Variants in PRKN observed in about 807,000 individuals in gnomAD.
The protein encoded by PRKN is E3 ubiquitin-protein ligase parkin.
In PRKN, 56 loss-of-function variants were observed where a neutral mutation model predicts 59.5. The observed-to-expected ratio is 0.94, with a 90% CI of 0.76 to 1.18. The LOEUF is 1.18. Ranked by LOEUF, PRKN falls within the 50% of genes most tolerant of loss-of-function variation. The probability of loss-of-function intolerance (pLI) is 0.00; values close to 1 mark genes in which losing one functional copy is unlikely to be tolerated. For synonymous variants in PRKN, 250 were observed against 222.1 expected, an observed-to-expected ratio of 1.13 and a Z score of -1.12; for missense variants, 657 against 596.4, an observed-to-expected ratio of 1.10 and a Z score of -1.06.
At chr6:161,665,446 G>T (rs1338982043) in intron 7 of PRKN, among the ~76,000 whole-genome samples, 1 of 152,114 alleles carries the variant, frequency 6.6e-6, no homozygotes, top group East Asian at 1.9e-4. Flanking sequence ...CTATTTCCAT[G>T]TGGATGACAG....
chr6:162,021,455 ATATATAT>A (rs1358586494), intron 5 of PRKN, among the ~76,000 whole-genome samples: 26 of 49,298 alleles, frequency 5.3e-4, no homozygotes, highest in African/African-American at 1.0e-3. Context: ...ATATATATAT[ATATATAT>A]TTTTTTTTTT....
chr6:162,569,157 C>T (rs1476037529), intron 1 of PRKN: 1 of 607,390 alleles, frequency 1.6e-6, no homozygotes, highest in South Asian at 1.6e-5. Context: ...GAGCATGTAC[C>T]AGATCAAGTA....
intron 1 of PRKN, among the ~76,000 whole-genome samples, chr6:162,646,336 A>T (rs911242703): frequency 6.6e-6 from 1 of 152,002 alleles, no homozygotes; most frequent in Non-Finnish European, 1.5e-5. Context: ...GCAGTGGTGT[A>T]ATCATAGCTC....
rs1779071834 is a variant in PRKN, at chr6:161,527,947, T to C, written c.1083+20907A>G. Among the ~76,000 whole-genome samples the C allele has an allele frequency of 6.6e-6, 1 of 152,208 alleles. No homozygotes were observed. Among genetic ancestry groups the C allele is most frequent in the Non-Finnish European group, 1.5e-5 (1 of 68,040 alleles). On this transcript the variant is annotated intron_variant, in intron 9 of 11. Coordinates refer to ENST00000366898, the MANE Select transcript of PRKN (RefSeq NM_004562.3). The surrounding 1 kb of genome is among the most constrained non-coding windows in gnomAD (Gnocchi z 4.6). The stretch of plus-strand genomic sequence containing the variant: ...TTTAACACAGCACTGCTTTTAAACA[T>C]TTCTTTCCCCCCACTTAGTCCCCAG...
At chr6:162,020,332 C>CAAAAAAAAAAAAAAAAA (rs771141235) in intron 5 of PRKN, among the ~76,000 whole-genome samples, 19 of 45,512 alleles carry the variant, frequency 4.2e-4, no homozygotes, top group Non-Finnish European at 5.1e-4. Flanking sequence ...ACCAATGAAT[C>CAAAAAAAAAAAAAAAAA]AAAAAAAAAA....
intron 5 of PRKN, among the ~76,000 whole-genome samples, chr6:162,003,963 T>C (rs539027563): frequency 6.6e-6 from 1 of 152,306 alleles, no homozygotes; most frequent in South Asian, 2.1e-4. Context: ...GTATTCTCAC[T>C]GCAGCAACTT....
intron 6 of PRKN, among the ~76,000 whole-genome samples, chr6:161,849,251 G>A (rs1323378396): frequency 6.6e-6 from 1 of 151,998 alleles, no homozygotes; most frequent in Non-Finnish European, 1.5e-5. Context: ...GGACCCCCAC[G>A]CCTGGTCCAG....
In PRKN at chr6:161,544,313, C is replaced by T. The variant is rs554055564; in HGVS notation, c.1083+4541G>A. ...TTATTTTGGTTTTCTGAATTATATA[C>T]TATGTGTGCTATTAAAACACTGTAT... On this transcript the variant is annotated intron_variant, in intron 9 of 11. Coordinates refer to ENST00000366898, the MANE Select transcript of PRKN (RefSeq NM_004562.3). This position sits in a 1 kb window ranked among gnomAD's most constrained non-coding sequence, Gnocchi z 5.5. Among the ~76,000 whole-genome samples the T allele has an allele frequency of 2.0e-5, 3 of 152,204 alleles. No homozygotes were observed. In the South Asian group the frequency reaches 6.2e-4, roughly 32 times the overall value.
At chr6:161,996,837 C>T (rs1422493893) in intron 5 of PRKN, among the ~76,000 whole-genome samples, 1 of 151,146 alleles carries the variant, frequency 6.6e-6, no homozygotes, top group Non-Finnish European at 1.5e-5. Flanking sequence ...AGGGGAAAAA[C>T]GTTTTATTTT....
At chr6:162,383,723 T>C (rs1410555857) in intron 2 of PRKN, among the ~76,000 whole-genome samples, 2 of 152,220 alleles carry the variant, frequency 1.3e-5, no homozygotes, top group African/African-American at 4.8e-5. Context: ...TCTCTTTAGC[T>C]ATGAAAGTCC....
intron 1 of PRKN, among the ~76,000 whole-genome samples, chr6:162,603,442 T>C (rs1344390694): frequency 6.6e-6 from 1 of 152,132 alleles, no homozygotes; most frequent in African/African-American, 2.4e-5. Context: ...TGGAACCCAG[T>C]CCCACCCGTT....
chr6:162,016,128 G>C (rs774204272), intron 5 of PRKN, among the ~76,000 whole-genome samples: 2 of 143,682 alleles, frequency 1.4e-5, no homozygotes, highest in Non-Finnish European at 3.0e-5. Flanking sequence ...TAAAAGGTGG[G>C]ACTAATTCTT....
intron 3 of PRKN, among the ~76,000 whole-genome samples, chr6:162,243,181 AT>A (rs1779059612): frequency 6.6e-6 from 1 of 151,456 alleles, no homozygotes; most frequent in Non-Finnish European, 1.5e-5. Context: ...TCAATTTATC[AT>A]TTTATTGAAA....
chr6:161,677,971 A>G (rs1429008156), intron 7 of PRKN, among the ~76,000 whole-genome samples: 1 of 152,178 alleles, frequency 6.6e-6, no homozygotes, highest in African/African-American at 2.4e-5. Context: ...TGCCTCCAGG[A>G]GTGTTGGCTA....
At chr6:161,954,394 A>C (rs1312862571) in intron 6 of PRKN, among the ~76,000 whole-genome samples, 1 of 152,210 alleles carries the variant, frequency 6.6e-6, no homozygotes, top group Non-Finnish European at 1.5e-5. Flanking sequence ...ACAGAATTCG[A>C]AGTACAGCCA....
At chr6:161,987,300 A>C (rs144023620) in intron 5 of PRKN, among the ~76,000 whole-genome samples, 143 of 152,352 alleles carry the variant, frequency 9.4e-4, no homozygotes, top group African/African-American at 3.4e-3. Context: ...TTAACATGCC[A>C]GTACAAGTGA....
intron 10 of PRKN, among the ~76,000 whole-genome samples, chr6:161,382,996 G>A: frequency 6.6e-6 from 1 of 152,218 alleles, no homozygotes; most frequent in Non-Finnish European, 1.5e-5. Context: ...GGAATTGAAA[G>A]AAAGTGTGAA....
intron 7 of PRKN, among the ~76,000 whole-genome samples, chr6:161,735,135 G>A (rs548252371): frequency 6.6e-6 from 1 of 152,104 alleles, no homozygotes; most frequent in East Asian, 1.9e-4. Flanking sequence ...GGATCACAAG[G>A]TCAAGAGTTT....
intron 6 of PRKN, among the ~76,000 whole-genome samples, chr6:161,799,032 G>C (rs984360439): frequency 6.6e-6 from 1 of 152,186 alleles, no homozygotes; most frequent in Non-Finnish European, 1.5e-5. Context: ...CCCTCAGACT[G>C]CTTTTGCCAA....
Sources: gnomAD v4.1 joint callset for allele counts (sites outside exome capture counted in the v4.1 genomes callset) on GRCh38, gnomAD v4.1.1 for gene constraint, Gnocchi (gnomAD v3.1) non-coding constraint, MANE v1.5 for transcripts, NCBI Gene and HGNC (gene_info 2026-07-23, HGNC 2026-07-21) for gene names.